The following CYP4F22 variants were observed in gnomAD, a reference collection of about 807,000 sequenced individuals.
The protein encoded by CYP4F22 is ultra-long-chain fatty acid omega-hydroxylase.
Under a neutral mutation model 60.4 loss-of-function variants are expected in CYP4F22, and 37 were observed. That is an observed-to-expected ratio of 0.61 (90% CI 0.47 to 0.81). The LOEUF (loss-of-function observed/expected upper bound fraction) is 0.81. Among genes scored for constraint, CYP4F22 ranks in the 30% least tolerant of loss-of-function variants. CYP4F22 has a pLI of 0.00. For missense variants in CYP4F22, 655 were observed against 715.0 expected (o/e 0.92, Z 0.96); for synonymous variants, 258 against 280.5 (o/e 0.92, Z 0.80).
intron 1 of CYP4F22, among the ~76,000 whole-genome samples, chr19:15,514,429 A>G (rs1331596068): frequency 2.6e-5 from 4 of 152,190 alleles, no homozygotes; most frequent in Non-Finnish European, 4.4e-5. Flanking sequence ...GGCTCATGCC[A>G]GTAATCCCAG....
At chr19:15,523,950 C>T (rs951983639) in intron 2 of CYP4F22, among the ~76,000 whole-genome samples, 151 bp downstream of exon 2, 1 of 151,912 alleles carries the variant, frequency 6.6e-6, no homozygotes, top group African/African-American at 2.4e-5. Context: ...GTCCCAGCTA[C>T]CCAGGAGGCT....
intron 1 of CYP4F22, among the ~76,000 whole-genome samples, chr19:15,510,427 A>G (rs989781722): frequency 6.6e-6 from 1 of 152,168 alleles, no homozygotes; most frequent in Non-Finnish European, 1.5e-5. Flanking sequence ...TTGCAGCCCC[A>G]TGAGGTGGGT....
chr19:15,526,029 G>A (rs1971278810), intron 3 of CYP4F22, among the ~76,000 whole-genome samples: 1 of 152,048 alleles, frequency 6.6e-6, no homozygotes, highest in African/African-American at 2.4e-5. Context: ...GCTGAGTGCA[G>A]TGGCACACAC....
In CYP4F22 at chr19:15,544,260, G is replaced by C; in HGVS notation, c.1117G>C (p.Glu373Gln). 6.2e-7 allele frequency: 1 copy of C among 1,613,914 alleles called. No individual in the cohort carries two copies. The highest frequency in any genetic ancestry group is 1.7e-5 in the Admixed American group (1 of 60,004). ...GATTCAGGAAGTCATGAAAGGCCGG[G>C]AGCTGGAGGAGCTGGAGTGGTGAGT... ...EEIQEVMKGR[E>Q]LEELEWDDLT... The change falls in exon 10 of 14, where the codon GAG (glutamate) becomes CAG (glutamine). Residue 373 changes from glutamate to glutamine, a missense_variant. Around this residue, in one of 3 missense-constraint regions of CYP4F22, gnomAD observed 74 missense variants for 118.4 expected, o/e 0.62. Transcript: ENST00000269703.
Position 15,540,684 on chromosome 19 carries a change from C to T in CYP4F22, c.906C>T (p.Thr302=). 6.2e-7 allele frequency: 1 copy of T among 1,613,604 alleles called. No individual in the cohort carries two copies. Among genetic ancestry groups the T allele is most frequent in the South Asian group, 1.1e-5 (1 of 91,030 alleles). The change falls in exon 8 of 14, where the codon ACC becomes ACT. Residue 302 remains threonine (T), a synonymous_variant. Coordinates refer to ENST00000269703, the MANE Select transcript of CYP4F22 (RefSeq NM_173483.4). ...GGCTTAAGGCCAAGCAGGGGAAGAC[C>T]TTGGACTTTATTGATGTGCTGCTCC... ...EAWLKAKQGK[T]LDFIDVLLLA...
intron 1 of CYP4F22, among the ~76,000 whole-genome samples, chr19:15,523,364 AC>A (rs113452001): frequency 2.6e-5 from 4 of 152,212 alleles, no homozygotes; most frequent in African/African-American, 7.2e-5. Context: ...CTGTCTCCAA[AC>A]AAAAAACAAA....
chr19:15,533,422 C>G (rs938989273), intron 4 of CYP4F22, among the ~76,000 whole-genome samples: 1 of 152,076 alleles, frequency 6.6e-6, no homozygotes, highest in South Asian at 2.1e-4. Context: ...CCCTCCTCCT[C>G]CCATCCGCTG....
intron 10 of CYP4F22, 101 bp downstream of exon 10, chr19:15,544,380 C>A: frequency 7.1e-7 from 1 of 1,406,032 alleles, no homozygotes; most frequent in South Asian, 1.2e-5. Context: ...CTCAGACAAG[C>A]CACTTTAGCT....
chr19:15,541,727 A>C (rs1164861361), intron 8 of CYP4F22, among the ~76,000 whole-genome samples: 1 of 151,984 alleles, frequency 6.6e-6, no homozygotes, highest in Non-Finnish European at 1.5e-5. Context: ...CTAAAAATAC[A>C]AAATTAGCCG....
rs188702643 is a variant in CYP4F22, at chr19:15,540,554, C to G, written c.776C>G (p.Ala259Gly). 1.3e-4 allele frequency: 207 copies of G among 1,614,234 alleles called. 1 individual carries two copies. The East Asian group carries it at 4.4e-3, about 34-fold the overall frequency. The change falls in exon 8 of 14, where the codon GCG becomes GGG. Residue 259 changes from alanine to glycine, a missense_variant. Coordinates refer to ENST00000269703, the MANE Select transcript of CYP4F22 (RefSeq NM_173483.4). The stretch of plus-strand genomic sequence containing the variant: ...CTCGACTTCATTTACTACCGCTCGG[C>G]GGATGGGCGGAGGTTCCGGCAGGCC... ...HYLDFIYYRS[A>G]DGRRFRQACD...
intron 12 of CYP4F22, among the ~76,000 whole-genome samples, chr19:15,549,926 T>C (rs1971575545): frequency 6.6e-6 from 1 of 152,006 alleles, no homozygotes; most frequent in African/African-American, 2.4e-5. Context: ...TATGGTTATT[T>C]ATTTATTTAT....
chr19:15,516,972 G>A (rs1971163069), intron 1 of CYP4F22: 1 of 186,684 alleles, frequency 5.4e-6, no homozygotes, highest in Non-Finnish European at 1.1e-5. Context: ...TGGGATTACA[G>A]GCACGCATGG....
At chr19:15,527,488 A>T (rs911889793) in intron 3 of CYP4F22, among the ~76,000 whole-genome samples, 3 of 152,144 alleles carry the variant, frequency 2.0e-5, no homozygotes, top group African/African-American at 7.2e-5. Flanking sequence ...CCCCATCTCC[A>T]GTGCCCTTAC....
rs1257879756 is a variant in CYP4F22 at position 15,537,485 on chromosome 19, A to G, written c.422-50A>G. ...AGGGAAGAGCATGGGGTTCCTTGGA[A>G]GGTTTCAGAGTAACAGGAGAGGTCC... On this transcript the variant is annotated intron_variant, in intron 5 of 13. Coordinates refer to ENST00000269703, the MANE Select transcript of CYP4F22 (RefSeq NM_173483.4). The G allele has an allele frequency of 1.9e-6, 3 of 1,614,074 alleles. No homozygotes were observed. The South Asian group carries it at 3.3e-5, about 18-fold the overall frequency.
In CYP4F22 at chr19:15,538,007, T is replaced by A. The variant is rs746783510; in HGVS notation, c.671+14T>A. On this transcript the variant is annotated intron_variant, in intron 7 of 13. Coordinates refer to ENST00000269703, the MANE Select transcript of CYP4F22 (RefSeq NM_173483.4). ...CAACTGCCAAGAGTGAGTGTGACCC[T>A]TCTTGGGAAGATGGAGCCAGCTGCT... is the stretch of plus-strand genomic sequence containing the variant. 1 of 1,614,012 alleles carries A rather than the reference T, an allele frequency of 6.2e-7. No individual in the cohort carries two copies. The highest frequency in any genetic ancestry group is 1.7e-5 in the Admixed American group (1 of 60,018).
chr19:15,521,856 C>CACCAGTGG (rs1334622228), intron 1 of CYP4F22, among the ~76,000 whole-genome samples: 1 of 151,788 alleles, frequency 6.6e-6, no homozygotes, highest in Non-Finnish European at 1.5e-5. Flanking sequence ...TAAAAGGAAC[C>CACCAGTGG]ACCAGTGGCC....
chr19:15,543,575 A>AG (rs1440274631), intron 8 of CYP4F22, among the ~76,000 whole-genome samples: 6 of 151,992 alleles, frequency 3.9e-5, no homozygotes, highest in Admixed American at 3.9e-4. Context: ...GAGAGAGGGG[A>AG]GCCAGGCGTG....
In CYP4F22 at chr19:15,547,982, AGAGAGAGAGAGAGG is replaced by A. The variant is rs113751386; in HGVS notation, c.1137-118_1137-105del. On this transcript the variant is annotated intron_variant, in intron 10 of 13. Transcript: ENST00000269703. ...CCAGCTGCCCCTGAGAGAGAGAGAG[AGAGAGAGAGAGAGG>A]GAGAGAGTGTGTGTGTGTGTGTGTG... 1.5e-3 allele frequency: 1,608 copies of A among 1,065,712 alleles called. 168 individuals carry two copies. Among genetic ancestry groups the A allele is most frequent in the African/African-American group, 7.2e-3 (261 of 36,124 alleles). 66.0% of individuals were successfully genotyped at this position (1,065,712 alleles called of 1,614,324 possible).
At chr19:15,539,456 T>C (rs1042281676) in intron 7 of CYP4F22, among the ~76,000 whole-genome samples, 3 of 152,240 alleles carry the variant, frequency 2.0e-5, no homozygotes, top group Non-Finnish European at 2.9e-5. Flanking sequence ...GGACACTGTT[T>C]CCACTTTTCG....
Sources: gnomAD v4.1 joint callset for allele counts (sites outside exome capture counted in the v4.1 genomes callset) on GRCh38, gnomAD v4.1.1 for gene constraint, gnomAD v4.1.1 regional missense constraint, MANE v1.5 for transcripts, NCBI Gene and HGNC (gene_info 2026-07-23, HGNC 2026-07-21) for gene names.